The following MAD1L1 variants were observed in gnomAD, a reference collection of about 807,000 sequenced individuals.
The protein encoded by MAD1L1 is mitotic arrest deficient 1 like 1, also known as mitotic spindle assembly checkpoint protein MAD1.
Under a neutral mutation model 96.9 loss-of-function variants are expected in MAD1L1, and 95 were observed. The ratio of observed to expected loss-of-function variants is 0.98; its 90% CI spans 0.83 to 1.16. The LOEUF is 1.16. Ranked by LOEUF, MAD1L1 falls within the 50% of genes most tolerant of loss-of-function variation. The probability of loss-of-function intolerance (pLI) is 0.00; values close to 1 mark genes in which losing one functional copy is unlikely to be tolerated. For synonymous variants in MAD1L1, 473 were observed against 396.6 expected, an observed-to-expected ratio of 1.19 and a Z score of -2.29; for missense variants, 1,007 against 954.4, an observed-to-expected ratio of 1.06 and a Z score of -0.73.
At chr7:2,181,329 T>C (rs1791189828) in intron 10 of MAD1L1, among the ~76,000 whole-genome samples, 1 of 152,272 alleles carries the variant, frequency 6.6e-6, no homozygotes, top group African/African-American at 2.4e-5. Context: ...TTCATGACTT[T>C]TCTGAACTAA....
intron 10 of MAD1L1, among the ~76,000 whole-genome samples, chr7:2,181,878 A>T (rs1416127638): frequency 6.6e-6 from 1 of 152,192 alleles, no homozygotes; most frequent in Non-Finnish European, 1.5e-5. Flanking sequence ...TGGCATTTGC[A>T]GCAACGTGGA....
In MAD1L1 at chr7:2,117,562, C is replaced by A. The variant is rs575934355; in HGVS notation, c.1073+31590G>T. 8.5e-4 allele frequency among the ~76,000 whole-genome samples: 129 copies of A among 152,324 alleles called. 1 individual carries two copies. Among genetic ancestry groups the A allele is most frequent in the African/African-American group, 2.9e-3 (120 of 41,566 alleles). On this transcript the variant is annotated intron_variant, in intron 11 of 18. Transcript: ENST00000265854. ...ATACTGCTGCTCACGTGATAGTGAG[C>A]TCTCGAGAGAGGTGACTGTTTTATA...
chr7:2,201,129 T>C (rs1440066188), intron 10 of MAD1L1, among the ~76,000 whole-genome samples: 2 of 152,248 alleles, frequency 1.3e-5, no homozygotes, highest in South Asian at 2.1e-4. Context: ...TTGAGGAATG[T>C]TGGGTGGGGA....
chr7:1,820,484 C>G (rs996423587), intron 18 of MAD1L1, among the ~76,000 whole-genome samples: 16 of 104,284 alleles, frequency 1.5e-4, no homozygotes, highest in Non-Finnish European at 3.5e-4. Context: ...AGCAATAAGG[C>G]CGGCCAGGAG....
chr7:2,214,181 C>A (rs1793138101), intron 9 of MAD1L1, among the ~76,000 whole-genome samples: 1 of 152,232 alleles, frequency 6.6e-6, no homozygotes, highest in Admixed American at 6.5e-5. Flanking sequence ...GGGAGACAGA[C>A]AGGGAGATGA....
At chr7:1,819,384 T>C (rs1047965716) in intron 18 of MAD1L1, among the ~76,000 whole-genome samples, 1 of 152,072 alleles carries the variant, frequency 6.6e-6, no homozygotes, top group African/African-American at 2.4e-5. Flanking sequence ...TGGGGGAGAC[T>C]GAGACACTCA....
chr7:2,220,862 T>C, intron 5 of MAD1L1: 6 of 1,592,474 alleles, frequency 3.8e-6, no homozygotes, highest in Non-Finnish European at 5.1e-6. Context: ...CCAGAGGTCT[T>C]CCGAACTCAA....
intron 11 of MAD1L1, among the ~76,000 whole-genome samples, chr7:2,087,820 C>G (rs145967948): frequency 5.3e-5 from 8 of 152,332 alleles, no homozygotes; most frequent in Middle Eastern, 6.8e-3. Context: ...GAGATCCTGC[C>G]TGTCCACAGA....
At chr7:1,950,212 G>A (rs953671234) in intron 16 of MAD1L1, among the ~76,000 whole-genome samples, 4 of 152,234 alleles carry the variant, frequency 2.6e-5, no homozygotes, top group African/African-American at 9.6e-5. Flanking sequence ...GTGACTCTGG[G>A]CCAGTCCCCA....
At chr7:1,852,718 C>G (rs757124861) in intron 18 of MAD1L1, among the ~76,000 whole-genome samples, 4 of 152,150 alleles carry the variant, frequency 2.6e-5, no homozygotes, top group Non-Finnish European at 4.4e-5. Context: ...GCTAAATCAC[C>G]CGGTGTCGGC....
At chr7:2,029,509 T>C (rs186000766) in intron 12 of MAD1L1, among the ~76,000 whole-genome samples, 362 of 152,288 alleles carry the variant, frequency 2.4e-3, no homozygotes, top group African/African-American at 8.5e-3. Flanking sequence ...CTCTAAGATG[T>C]ACTCTCAGGA....
At chr7:2,206,707 G>C (rs893346550) in intron 10 of MAD1L1, among the ~76,000 whole-genome samples, 11 of 152,218 alleles carry the variant, frequency 7.2e-5, no homozygotes, top group African/African-American at 9.6e-5. Context: ...AAATTGGCCA[G>C]TGTAAGCTGT....
chr7:1,839,988 C>T (rs546134462), intron 18 of MAD1L1, among the ~76,000 whole-genome samples: 1 of 152,368 alleles, frequency 6.6e-6, no homozygotes. Flanking sequence ...GCAGGACCCC[C>T]GCATTACTGC....
intron 10 of MAD1L1, among the ~76,000 whole-genome samples, chr7:2,161,374 C>T (rs371245659): frequency 6.6e-6 from 1 of 152,032 alleles, no homozygotes; most frequent in Non-Finnish European, 1.5e-5. Context: ...CCCGCGGTGC[C>T]GGGATTGCAG....
At chr7:1,881,638 C>A (rs565646449) in intron 18 of MAD1L1, among the ~76,000 whole-genome samples, 1 of 152,130 alleles carries the variant, frequency 6.6e-6, no homozygotes, top group Non-Finnish European at 1.5e-5. Flanking sequence ...ACACCATCAT[C>A]GAGGAAATAT....
At chr7:2,068,428 A>G (rs1015209441) in intron 12 of MAD1L1, among the ~76,000 whole-genome samples, 27 of 152,364 alleles carry the variant, frequency 1.8e-4, no homozygotes, top group African/African-American at 5.8e-4. Context: ...AACGATCAAG[A>G]ACAGGTAAAC....
intron 11 of MAD1L1, among the ~76,000 whole-genome samples, chr7:2,140,611 C>G (rs1043801072): frequency 6.6e-6 from 1 of 152,234 alleles, no homozygotes; most frequent in Non-Finnish European, 1.5e-5. Flanking sequence ...TGGGTGGGAG[C>G]CGGCCCCGCA....
intron 12 of MAD1L1, among the ~76,000 whole-genome samples, chr7:2,026,592 G>C (rs1377386971): frequency 6.6e-6 from 1 of 152,134 alleles, no homozygotes; most frequent in South Asian, 2.1e-4. Context: ...GTCATTCAGA[G>C]GATAGTCTCT....
chr7:1,854,292 C>T, intron 18 of MAD1L1: 3 of 435,480 alleles, frequency 6.9e-6, no homozygotes, highest in Non-Finnish European at 1.4e-5. Flanking sequence ...GAGACTGCCC[C>T]AGCCCCAGCA....
Sources: allele counts gnomAD v4.1 joint callset (sites outside exome capture counted in the v4.1 genomes callset), GRCh38; gene constraint gnomAD v4.1.1; transcripts MANE v1.5; gene names NCBI Gene and HGNC (gene_info 2026-07-23, HGNC 2026-07-21).